The following SCN7A variants were observed in gnomAD, a reference collection of about 807,000 sequenced individuals.
The protein encoded by SCN7A is sodium voltage-gated channel alpha subunit 7.
SCN7A carries 138 observed loss-of-function variants against 155.2 expected under a neutral mutation model. That is an observed-to-expected ratio of 0.89 (90% CI 0.77 to 1.02). The LOEUF (loss-of-function observed/expected upper bound fraction) is 1.02, where lower values mean the gene tolerates loss of function less well. SCN7A is among the 50% of genes least tolerant of loss of function. SCN7A has a pLI of 0.00. For synonymous variants in SCN7A, 693 were observed against 649.0 expected (o/e 1.07, Z -1.03); for missense variants, 2,058 against 1,986.6 (o/e 1.04, Z -0.68).
intron 18 of SCN7A, among the ~76,000 whole-genome samples, chr2:166,426,952 T>C (rs972024433): frequency 2.2e-4 from 34 of 152,094 alleles, no homozygotes; most frequent in Non-Finnish European, 4.4e-4. Flanking sequence ...GTTAACTAGA[T>C]CTTGTATGTA....
At chr2:166,447,778 C>A (rs535855515) in intron 11 of SCN7A, 70 bp from the exon 12 acceptor site, 426 of 1,058,998 alleles carry the variant, frequency 4.0e-4, no homozygotes, top group Non-Finnish European at 5.1e-4. Context: ...AGAAGGTGCA[C>A]AGCCTTGCTA....
chr2:166,465,615 C>G, intron 8 of SCN7A, 84 bp from the exon 9 acceptor site: 4 of 1,230,012 alleles, frequency 3.3e-6, no homozygotes, highest in Non-Finnish European at 4.6e-6. Context: ...TCTGCAGAAG[C>G]TAAAATACCT....
At chr2:166,472,517 T>C in intron 5 of SCN7A, 72 bp from the exon 6 acceptor site, 2 of 1,244,698 alleles carry the variant, frequency 1.6e-6, no homozygotes, top group South Asian at 1.5e-5. Flanking sequence ...ACTATGTTTA[T>C]GATAACTAGC....
At chr2:166,492,924 G>A (rs1299837536) in intron 1 of SCN7A, among the ~76,000 whole-genome samples, 1 of 152,166 alleles carries the variant, frequency 6.6e-6, no homozygotes, top group South Asian at 2.1e-4. Flanking sequence ...TACAAAAATT[G>A]AAATCAAGTT....
At chr2:166,423,141 C>A in intron 19 of SCN7A, 118 bp downstream of exon 19, 1 of 968,774 alleles carries the variant, frequency 1.0e-6, no homozygotes, top group Non-Finnish European at 1.5e-6. Flanking sequence ...GTGTCATGTA[C>A]CAACAATGTA....
Position 166,406,099 on chromosome 2 carries a change from C to G in SCN7A, c.4530G>C (p.Leu1510Phe), listed in dbSNP as rs752693466. Residue 1510 changes from leucine to phenylalanine, a missense_variant, in exon 26 of 26, where the codon TTG becomes TTC. Leu to Phe is a conservative substitution (Grantham distance 22, BLOSUM62 0). Coordinates refer to ENST00000643258, the MANE Select transcript of SCN7A (RefSeq NM_002976.4). ...AGAATTTCCTAAAATCATCTTCACT[C>G]AAGGTCTTGTTTTTCTTCTTAGAAG... Reference protein sequence around the residue: ...NIASKKKNKTLSEDDFRKFFQ... With the variant: ...NIASKKKNKTFSEDDFRKFFQ... 6.2e-7 allele frequency: 1 copy of G among 1,612,252 alleles called. No homozygotes were observed. Among genetic ancestry groups the G allele is most frequent in the Admixed American group, 1.7e-5 (1 of 59,702 alleles).
At chr2:166,477,009 A>C (rs527903372) in intron 3 of SCN7A, among the ~76,000 whole-genome samples, 3 of 152,058 alleles carry the variant, frequency 2.0e-5, no homozygotes, top group Non-Finnish European at 4.4e-5. Flanking sequence ...GGAGATAAGG[A>C]GTAAGTGTAT....
chr2:166,448,787 A>ATT (rs1275890844), intron 11 of SCN7A, among the ~76,000 whole-genome samples: 13 of 152,242 alleles, frequency 8.5e-5, no homozygotes, highest in African/African-American at 3.1e-4. Context: ...TCAAATCAGG[A>ATT]AACATAGTAC....
At chr2:166,461,048 C>CTTTTTTATTTTTTT (rs1702394543) in intron 10 of SCN7A, among the ~76,000 whole-genome samples, 1 of 96,704 alleles carries the variant, frequency 1.0e-5, no homozygotes, top group African/African-American at 4.1e-5. Context: ...GTAATATTTT[C>CTTTTTTATTTTTTT]TTTTTTTTTT....
At chr2:166,418,999 C>T (rs1395026521) in intron 20 of SCN7A, among the ~76,000 whole-genome samples, 1 of 152,132 alleles carries the variant, frequency 6.6e-6, no homozygotes, top group Non-Finnish European at 1.5e-5. Context: ...TTGTCCACAG[C>T]CATTGTTTCA....
intron 18 of SCN7A, 93 bp from the exon 19 acceptor site, chr2:166,423,525 A>C (rs1701557548): frequency 7.4e-7 from 1 of 1,356,234 alleles, no homozygotes; most frequent in African/African-American, 1.5e-5. Flanking sequence ...TGTCTCTAAT[A>C]GGCATATGGT....
At chr2:166,460,710 T>A (rs979308632) in intron 10 of SCN7A, among the ~76,000 whole-genome samples, 4 of 152,090 alleles carry the variant, frequency 2.6e-5, no homozygotes, top group Non-Finnish European at 5.9e-5. Context: ...CATGGAAATA[T>A]GATATTATGA....
intron 7 of SCN7A, among the ~76,000 whole-genome samples, chr2:166,467,655 T>A (rs1031661113): frequency 1.1e-4 from 16 of 151,574 alleles, no homozygotes; most frequent in African/African-American, 3.9e-4. Context: ...TTTTCATTAG[T>A]ATATACTAAT....
Position 166,481,694 on chromosome 2 carries a change from A to C in SCN7A, c.-14-3984T>G, listed in dbSNP as rs115034006. Among the ~76,000 whole-genome samples the C allele has an allele frequency of 8.0e-3, 1,225 of 152,280 alleles. 18 individuals carry two copies. The highest frequency in any genetic ancestry group is 0.027 in the African/African-American group (1,143 of 41,566). On this transcript the variant is annotated intron_variant, in intron 2 of 25. Coordinates refer to ENST00000643258, the MANE Select transcript of SCN7A (RefSeq NM_002976.4). ...ACCTGAAAGGCATGTCAACAAACTG[A>C]AGGGTCTTCAAATGGAACCAGAAGG...
chr2:166,433,434 G>T (rs1338215808), intron 15 of SCN7A, among the ~76,000 whole-genome samples: 1 of 152,130 alleles, frequency 6.6e-6, no homozygotes, highest in Non-Finnish European at 1.5e-5. Context: ...CAGTGTGTCA[G>T]GTGCTGTGCT....
chr2:166,468,262 A>C (rs1447793763), intron 7 of SCN7A, among the ~76,000 whole-genome samples: 2 of 152,066 alleles, frequency 1.3e-5, no homozygotes, highest in African/African-American at 4.8e-5. Flanking sequence ...TCAAATCCTT[A>C]CAAGGGCTTG....
At chr2:166,412,851 C>A (rs1158130263) in intron 22 of SCN7A, among the ~76,000 whole-genome samples, 184 bp from the exon 23 acceptor site, 4 of 152,098 alleles carry the variant, frequency 2.6e-5, no homozygotes, top group South Asian at 2.1e-4. Context: ...TCATTTCATT[C>A]ATTTAACCAT....
intron 1 of SCN7A, among the ~76,000 whole-genome samples, chr2:166,492,684 G>A (rs972630032): frequency 2.6e-5 from 4 of 152,160 alleles, no homozygotes; most frequent in African/African-American, 9.7e-5. Context: ...AGAGATGCAT[G>A]TCAAAGCCCT....
intron 10 of SCN7A, among the ~76,000 whole-genome samples, chr2:166,457,696 A>C (rs531020563): frequency 6.6e-6 from 1 of 152,328 alleles, no homozygotes; most frequent in East Asian, 1.9e-4. Flanking sequence ...ATAGCAAAAT[A>C]CAACATTTTA....
Sources: allele counts gnomAD v4.1 joint callset (sites outside exome capture counted in the v4.1 genomes callset), GRCh38; gene constraint gnomAD v4.1.1; transcripts MANE v1.5; gene names NCBI Gene and HGNC (gene_info 2026-07-23, HGNC 2026-07-21).